The following KIF26B variants were observed in gnomAD, a reference collection of about 807,000 sequenced individuals.
The protein encoded by KIF26B is kinesin-like protein KIF26B.
In KIF26B, 63 loss-of-function variants were observed where a neutral mutation model predicts 151.2. The ratio of observed to expected loss-of-function variants is 0.42; its 90% CI spans 0.34 to 0.51. The LOEUF (loss-of-function observed/expected upper bound fraction) is 0.51. Ranked by LOEUF, KIF26B falls within the 20% of genes least tolerant of loss-of-function variation. KIF26B has a pLI of 0.07. For synonymous variants in KIF26B, 1,357 were observed against 1,262.1 expected (o/e 1.08, Z -1.59); for missense variants, 2,813 against 2,913.6 (o/e 0.97, Z 0.79).
intron 4 of KIF26B, among the ~76,000 whole-genome samples, chr1:245,431,752 C>T (rs1426948633): frequency 6.6e-6 from 1 of 152,240 alleles, no homozygotes; most frequent in African/African-American, 2.4e-5. Context: ...CCTGGGATTA[C>T]AGGCGTGAGC....
rs768099890 is a variant in KIF26B at position 245,190,629 on chromosome 1, G to GTTTTTTT, written c.465+33950_465+33951insTTTTTTT. The stretch of plus-strand genomic sequence containing the variant: ...CTTTTCCTATAAGTTTTCCCTGAAT[G>GTTTTTTT]TTTTGTTTTGTTTTTTTTTTTTTTT... On this transcript the variant is annotated intron_variant, in intron 2 of 14. Transcript: ENST00000407071. 1.3e-3 allele frequency among the ~76,000 whole-genome samples: 105 copies of GTTTTTTT among 80,066 alleles called. 5 individuals carry two copies. The highest frequency in any genetic ancestry group is 4.2e-3 in the African/African-American group (100 of 23,694). 52.5% of individuals were successfully genotyped at this position (80,066 alleles called of 152,430 possible). A position where few individuals can be genotyped will look rare whatever the true frequency, so the allele number is the denominator to read the frequency against.
chr1:245,473,613 G>C (rs6428922), intron 4 of KIF26B, among the ~76,000 whole-genome samples: 1 of 151,682 alleles, frequency 6.6e-6, no homozygotes, highest in Admixed American at 6.6e-5. Context: ...GCAAGCAAAA[G>C]AACCACTCAG....
intron 6 of KIF26B, among the ~76,000 whole-genome samples, chr1:245,607,021 G>A (rs189638176): frequency 8.9e-5 from 12 of 134,566 alleles, no homozygotes; most frequent in Admixed American, 7.0e-4. Flanking sequence ...AGTTGAGATC[G>A]CACCATTGCA....
intron 5 of KIF26B, among the ~76,000 whole-genome samples, chr1:245,557,901 A>G (rs528535993): frequency 7.2e-5 from 11 of 152,282 alleles, no homozygotes; most frequent in African/African-American, 2.6e-4. Flanking sequence ...GGGGAATAGC[A>G]GCTGTTACTA....
At chr1:245,344,472 G>GT (rs1333315740) in intron 2 of KIF26B, among the ~76,000 whole-genome samples, 1 of 139,700 alleles carries the variant, frequency 7.2e-6, no homozygotes, top group Non-Finnish European at 1.5e-5. Flanking sequence ...TCCAGCCTGG[G>GT]TGACTGAGCT....
chr1:245,351,600 C>G (rs932217414), intron 2 of KIF26B, among the ~76,000 whole-genome samples: 2 of 152,310 alleles, frequency 1.3e-5, no homozygotes, highest in South Asian at 4.1e-4. Context: ...ACATCAGCAG[C>G]AGGGGATAAG....
Position 245,222,127 on chromosome 1 carries a change from G to A in KIF26B, c.465+65444G>A, listed in dbSNP as rs532303325. Among the ~76,000 whole-genome samples, 76 of 151,052 alleles carry A rather than the reference G, an allele frequency of 5.0e-4. 1 individual carries two copies. Among genetic ancestry groups the A allele is most frequent in the African/African-American group, 1.8e-3 (74 of 41,434 alleles). ...AAATATCACATGCCAACTTAGTGAC[G>A]GGGGAAAGACCCTCTTAACAAATGG... is the stretch of plus-strand genomic sequence containing the variant. On this transcript the variant is annotated intron_variant, in intron 2 of 14. Transcript: ENST00000407071.
chr1:245,659,997 C>T (rs986388653), intron 10 of KIF26B, among the ~76,000 whole-genome samples: 8 of 151,658 alleles, frequency 5.3e-5, no homozygotes, highest in East Asian at 2.0e-4. Context: ...TGCAGTGAGC[C>T]GAGATCACGC....
At position 245,560,691 on chromosome 1, in the gene KIF26B, C is replaced by A. The variant is rs1266821388; in HGVS notation, c.1350+19741C>A. On this transcript the variant is annotated intron_variant, in intron 5 of 14. Transcript: ENST00000407071. This position sits in a 1 kb window ranked among gnomAD's most constrained non-coding sequence, Gnocchi z 4.3. ...ACCTGTCAACCTGTCAGTCTCTCCC[C>A]TCTCACGGAAGCCTGACATGTAAAT... 6.6e-6 allele frequency among the ~76,000 whole-genome samples: 1 copy of A among 152,142 alleles called. No homozygotes were observed. The highest frequency in any genetic ancestry group is 1.5e-5 in the Non-Finnish European group (1 of 68,034).
intron 10 of KIF26B, among the ~76,000 whole-genome samples, chr1:245,679,850 C>T (rs532380485): frequency 3.2e-4 from 48 of 152,212 alleles, no homozygotes; most frequent in South Asian, 1.4e-3. Flanking sequence ...CTTGAAAGAG[C>T]GGTGCGGTCC....
At chr1:245,455,899 A>G (rs1659508423) in intron 4 of KIF26B, among the ~76,000 whole-genome samples, 1 of 152,210 alleles carries the variant, frequency 6.6e-6, no homozygotes, top group South Asian at 2.1e-4. Flanking sequence ...ATTCCCGTCT[A>G]TCAAAATGAA....
chr1:245,424,050 C>T (rs1768100), intron 4 of KIF26B, among the ~76,000 whole-genome samples: 18,861 of 151,998 alleles, frequency 0.12, 1,474 homozygotes, highest in African/African-American at 0.22. Context: ...ATGTTTGTTG[C>T]GCACGCTGGT....
chr1:245,702,634 C>T lies in KIF26B; in HGVS notation c.*28C>T. 6.2e-7 allele frequency: 1 copy of T among 1,605,728 alleles called. No homozygotes were observed. The highest frequency in any genetic ancestry group is 8.5e-7 in the Non-Finnish European group (1 of 1,175,124). On this transcript the variant is annotated 3_prime_UTR_variant, in exon 15 of 15. Transcript: ENST00000407071. The surrounding 1 kb of genome is among the most constrained non-coding windows in gnomAD (Gnocchi z 4.1). ...GAGCCAGACCCTTGTCCTAGTGGTC[C>T]CCCGCTCCCCAGGACTTCAGAGATG...
chr1:245,220,405 G>A (rs1018651471), intron 2 of KIF26B, among the ~76,000 whole-genome samples: 2 of 106,992 alleles, frequency 1.9e-5, no homozygotes, highest in African/African-American at 6.8e-5. Flanking sequence ...GTGACCAGAC[G>A]ATGGAGTCCA....
chr1:245,192,884 C>T (rs899377814), intron 2 of KIF26B, among the ~76,000 whole-genome samples: 1 of 103,122 alleles, frequency 9.7e-6, no homozygotes, highest in Non-Finnish European at 2.1e-5. Flanking sequence ...AACATTACAC[C>T]CAACAGATAA....
At chr1:245,408,238 T>C (rs1454676830) in intron 3 of KIF26B, among the ~76,000 whole-genome samples, 1 of 152,182 alleles carries the variant, frequency 6.6e-6, no homozygotes, top group Non-Finnish European at 1.5e-5. Flanking sequence ...TTTGATTTTA[T>C]TTTCATTTGA....
chr1:245,216,792 G>A (rs992358581), intron 2 of KIF26B, among the ~76,000 whole-genome samples: 2 of 152,226 alleles, frequency 1.3e-5, no homozygotes, highest in African/African-American at 4.8e-5. Context: ...CTAAATCAGT[G>A]TGTTGAAAGA....
chr1:245,682,754 C>T (rs1299897992), intron 10 of KIF26B, among the ~76,000 whole-genome samples: 2 of 152,216 alleles, frequency 1.3e-5, no homozygotes, highest in Non-Finnish European at 2.9e-5. Context: ...CCCTCCACTG[C>T]GCATATTGAA....
intron 4 of KIF26B, among the ~76,000 whole-genome samples, chr1:245,422,545 G>A (rs561044320): frequency 1.4e-4 from 21 of 152,204 alleles, no homozygotes; most frequent in Non-Finnish European, 2.6e-4. Context: ...AGCTTATGCT[G>A]TCAGACAGTC....
Sources: gnomAD v4.1 joint callset for allele counts (sites outside exome capture counted in the v4.1 genomes callset) on GRCh38, gnomAD v4.1.1 for gene constraint, Gnocchi (gnomAD v3.1) non-coding constraint, MANE v1.5 for transcripts, NCBI Gene and HGNC (gene_info 2026-07-23, HGNC 2026-07-21) for gene names.